Variants in SH3GLB1 observed in about 807,000 individuals in gnomAD.
SH3GLB1 encodes endophilin-B1.
In SH3GLB1, 17 loss-of-function variants were observed where a neutral mutation model predicts 42.0. That is an observed-to-expected ratio of 0.40 (90% confidence interval 0.28 to 0.61). SH3GLB1 has a LOEUF of 0.61. Among genes scored for constraint, SH3GLB1 ranks in the 20% least tolerant of loss-of-function variants. The pLI is 0.36. For missense variants in SH3GLB1, 355 were observed against 426.3 expected, an observed-to-expected ratio of 0.83 and a Z score of 1.47; for synonymous variants, 132 against 146.6, an observed-to-expected ratio of 0.90 and a Z score of 0.72.
At chr1:86,727,305 A>C (rs1558319157) in intron 5 of SH3GLB1, among the ~76,000 whole-genome samples, 1 of 152,016 alleles carries the variant, frequency 6.6e-6, no homozygotes, top group Non-Finnish European at 1.5e-5. Flanking sequence ...AAATATACCA[A>C]TTAAGCAGAA....
At chr1:86,719,318 A>T (rs994955731) in intron 2 of SH3GLB1, among the ~76,000 whole-genome samples, 189 bp from the exon 3 acceptor site, 2 of 152,118 alleles carry the variant, frequency 1.3e-5, no homozygotes, top group African/African-American at 2.4e-5. Flanking sequence ...ATTTTATCAA[A>T]TTTCTAAAAT....
In SH3GLB1 at chr1:86,724,495, T is replaced by C. The variant is rs1655046848; in HGVS notation, c.570+90T>C. ...ACCATGAAAGATACAGACTATTAAC[T>C]TTAGAGTCTTGTTTTTGTGCTTTCT... is the stretch of plus-strand genomic sequence containing the variant. On this transcript the variant is annotated intron_variant, in intron 5 of 8. Transcript: ENST00000370558. 4.0e-6 allele frequency: 4 copies of C among 1,006,390 alleles called. No homozygotes were observed. The South Asian group carries it at 6.4e-5, about 16-fold the overall frequency. The allele number at this position is 1,006,390 out of a possible 1,614,324, so 62.3% of individuals were successfully genotyped here.
At chr1:86,732,923 A>G (rs1209657698) in intron 5 of SH3GLB1, among the ~76,000 whole-genome samples, 1 of 152,084 alleles carries the variant, frequency 6.6e-6, no homozygotes, top group Non-Finnish European at 1.5e-5. Context: ...AAAGACCTAT[A>G]TGGAACTAAC....
chr1:86,718,673 G>A (rs965530492), intron 2 of SH3GLB1, among the ~76,000 whole-genome samples: 20 of 152,096 alleles, frequency 1.3e-4, no homozygotes, highest in Admixed American at 1.0e-3. Context: ...ATGCTTAATC[G>A]TTGTTTCTGG....
chr1:86,712,153 A>T (rs1654252054), intron 1 of SH3GLB1, among the ~76,000 whole-genome samples: 1 of 152,174 alleles, frequency 6.6e-6, no homozygotes, highest in African/African-American at 2.4e-5. Context: ...TTAAAATATG[A>T]TAGCATTAGC....
intron 5 of SH3GLB1, among the ~76,000 whole-genome samples, chr1:86,726,553 A>G (rs185325354): frequency 3.3e-5 from 5 of 152,180 alleles, no homozygotes; most frequent in African/African-American, 1.2e-4. Context: ...TATTCAGTTC[A>G]GCAATTTTAT....
In SH3GLB1 at chr1:86,735,150, T is replaced by C. The variant is rs772587996; in HGVS notation, c.732T>C (p.Tyr244=). 1 of 1,612,524 alleles carries C rather than the reference T, an allele frequency of 6.2e-7. No homozygotes were observed. Among genetic ancestry groups the C allele is most frequent in the Middle Eastern group, 1.7e-4 (1 of 6,048 alleles). The part of the protein sequence containing the change: ...QMTYYAQCYQ[Y]MLDLQKQLGS... ...CTTACTATGCACAGTGTTACCAGTA[T>C]ATGTTGGACCTCCAGAAACAACTGG... Residue 244 remains tyrosine, a synonymous_variant, in exon 7 of 9, where the codon TAT becomes TAC. Coordinates refer to ENST00000370558, the MANE Select transcript of SH3GLB1 (RefSeq NM_016009.5).
chr1:86,729,563 T>A (rs191259983), intron 5 of SH3GLB1, among the ~76,000 whole-genome samples: 19 of 152,262 alleles, frequency 1.2e-4, no homozygotes, highest in African/African-American at 3.6e-4. Flanking sequence ...AAAACATAAT[T>A]CTAAACAATT....
At position 86,743,235 on chromosome 1, in the gene SH3GLB1, A is replaced by T; in HGVS notation, c.1098A>T (p.Ter366TyrextTer11). 6.3e-7 allele frequency: 1 copy of T among 1,592,346 alleles called. No individual in the cohort carries two copies. Among genetic ancestry groups the T allele is most frequent in the Admixed American group, 1.8e-5 (1 of 54,380 alleles). The change falls in exon 9 of 9, where the codon TAA becomes TAT. Residue 366 changes from the stop codon to tyrosine (Y), a stop_lost. Coordinates refer to ENST00000370558, the MANE Select transcript of SH3GLB1 (RefSeq NM_016009.5). ...VPITYLELLN* is the reference protein window; with the variant it reads ...VPITYLELLNY The stretch of plus-strand genomic sequence containing the variant: ...TTACCTACTTAGAACTGCTCAATTA[A>T]GTAGGTGGACTATGGAAAGGTTGCC...
chr1:86,721,099 G>C (rs1052055430), intron 3 of SH3GLB1, among the ~76,000 whole-genome samples: 5 of 152,086 alleles, frequency 3.3e-5, no homozygotes, highest in African/African-American at 1.2e-4. Flanking sequence ...ATTAGTAAAG[G>C]CTTCTAGATT....
At chr1:86,730,256 A>G (rs1052810130) in intron 5 of SH3GLB1, 31 of 1,387,088 alleles carry the variant, frequency 2.2e-5, no homozygotes, top group Non-Finnish European at 1.6e-5. Context: ...GGATATGTTC[A>G]GGTCTCTTTA....
At chr1:86,709,254 C>T (rs1346559037) in intron 1 of SH3GLB1, among the ~76,000 whole-genome samples, 2 of 152,232 alleles carry the variant, frequency 1.3e-5, no homozygotes, top group African/African-American at 4.8e-5. Flanking sequence ...CCTCTTACAA[C>T]ATCTAACATG....
In SH3GLB1 at chr1:86,734,608, C is replaced by G; in HGVS notation, c.577C>G (p.Gln193Glu). 6.2e-7 allele frequency: 1 copy of G among 1,608,600 alleles called. No individual in the cohort carries two copies. Among genetic ancestry groups the G allele is most frequent in the Non-Finnish European group, 8.5e-7 (1 of 1,175,424 alleles). The change falls in exon 6 of 9, where the codon CAG becomes GAG. Residue 193 changes from glutamine (Q) to glutamate (E), a missense_variant. By Grantham distance (29) the Gln-to-Glu change is conservative. Coordinates refer to ENST00000370558, the MANE Select transcript of SH3GLB1 (RefSeq NM_016009.5). ...KAAETRNSSE[Q>E]ELRITQSEFD... Reference sequence around the variant, plus strand: ...AACTATATTCTTACTTAAGTCTGAACAGGAATTAAGAATAACTCAAAGTGA... The same window carrying G: ...AACTATATTCTTACTTAAGTCTGAAGAGGAATTAAGAATAACTCAAAGTGA...
intron 5 of SH3GLB1, chr1:86,728,334 TGAA>T: frequency 2.9e-6 from 2 of 686,262 alleles, no homozygotes; most frequent in South Asian, 5.3e-5. Flanking sequence ...TTATTTATTG[TGAA>T]GAAGTAATTT....
At chr1:86,711,862 C>T (rs1159185521) in intron 1 of SH3GLB1, among the ~76,000 whole-genome samples, 1 of 152,024 alleles carries the variant, frequency 6.6e-6, no homozygotes, top group Non-Finnish European at 1.5e-5. Context: ...GCAAGAAGTA[C>T]ATCAGATGCT....
chr1:86,723,349 T>C (rs1654977443), intron 4 of SH3GLB1, among the ~76,000 whole-genome samples: 1 of 151,924 alleles, frequency 6.6e-6, no homozygotes, highest in African/African-American at 2.4e-5. Flanking sequence ...CCGTCTCTAC[T>C]AAAAATACAA....
In SH3GLB1 at chr1:86,724,400, A is replaced by G; in HGVS notation, c.565A>G (p.Asn189Asp). The G allele has an allele frequency of 6.3e-7, 1 of 1,591,912 alleles. No homozygotes were observed. The highest frequency in any genetic ancestry group is 1.8e-5 in the Admixed American group (1 of 55,874). ...LKKAKAAETRNSSEQELRITQ... is the reference protein window; with the variant it reads ...LKKAKAAETRDSSEQELRITQ... The stretch of plus-strand genomic sequence containing the variant: ...AAAGGCAAAAGCTGCAGAAACTAGA[A>G]ATTCAGTAAGTAAATAGAAAAATAT... Residue 189 changes from asparagine (N) to aspartate (D), a missense_variant, in exon 5 of 9, where the codon AAT (asparagine) becomes GAT (aspartate). Physicochemically the swap from Asn to Asp is conservative, Grantham distance 23 (BLOSUM62 1). Transcript: ENST00000370558.
chr1:86,739,646 T>A (rs1021078583), intron 7 of SH3GLB1, among the ~76,000 whole-genome samples: 14 of 151,908 alleles, frequency 9.2e-5, no homozygotes, highest in African/African-American at 2.9e-4. Flanking sequence ...GAAAGTGGGG[T>A]CTAGCAATTT....
intron 5 of SH3GLB1, among the ~76,000 whole-genome samples, chr1:86,724,892 A>AAAATATATATATATATATAT (rs1291454820): frequency 1.0e-5 from 1 of 99,686 alleles, no homozygotes; most frequent in Non-Finnish European, 1.8e-5. Flanking sequence ...AAAAAAAAAA[A>AAAATATATATATATATATAT]ATATATATAT....
Sources: allele counts gnomAD v4.1 joint callset (sites outside exome capture counted in the v4.1 genomes callset), GRCh38; gene constraint gnomAD v4.1.1; transcripts MANE v1.5; gene names NCBI Gene and HGNC (gene_info 2026-07-23, HGNC 2026-07-21).